The following RSPO3 variants were observed in gnomAD, a reference collection of about 807,000 sequenced individuals.
RSPO3 encodes R-spondin 3.
In RSPO3, 17 loss-of-function variants were observed where a neutral mutation model predicts 36.5. That is an observed-to-expected ratio of 0.47 (90% CI 0.32 to 0.70). The LOEUF is 0.70. RSPO3 is among the 30% of genes least tolerant of loss of function. The pLI is 0.04. For synonymous variants in RSPO3, 108 were observed against 107.0 expected (o/e 1.01, Z -0.06); for missense variants, 294 against 322.5 (o/e 0.91, Z 0.68).
In RSPO3 at chr6:127,197,584, C is replaced by T; in HGVS notation, c.*1577C>T. ...GAAGGATGCACGGCTGCTCTGTCCA[C>T]TGTGATTCCTAGCCCTCTCAAGATC... On this transcript the variant is annotated 3_prime_UTR_variant, in exon 5 of 5. Transcript: ENST00000356698. 1.3e-6 allele frequency: 2 copies of T among 1,529,152 alleles called. No homozygotes were observed. The highest frequency in any genetic ancestry group is 1.2e-5 in the South Asian group (1 of 81,482). 94.7% of individuals were successfully genotyped at this position (1,529,152 alleles called of 1,614,324 possible).
chr6:127,145,503 C>T (rs899700882), intron 1 of RSPO3, among the ~76,000 whole-genome samples: 27 of 152,084 alleles, frequency 1.8e-4, no homozygotes, highest in Non-Finnish European at 3.7e-4. Context: ...TAATCTAGAT[C>T]TATTTTATAC....
At position 127,155,595 on chromosome 6, in the gene RSPO3, G is replaced by C. The variant is rs1774580395; in HGVS notation, c.634+157G>C. Among the ~76,000 whole-genome samples, 4 of 152,076 alleles carry C rather than the reference G, an allele frequency of 2.6e-5. No individual in the cohort carries two copies. The South Asian group carries it at 6.2e-4, about 24-fold the overall frequency. On this transcript the variant is annotated intron_variant, in intron 4 of 4. Transcript: ENST00000356698. ...TGCTGCTTGTAAATTACAGAATATA[G>C]ATGTGGTAATTCCAAAATATGGAGC... is the stretch of plus-strand genomic sequence containing the variant.
intron 4 of RSPO3, among the ~76,000 whole-genome samples, chr6:127,188,436 G>A (rs1186608380): frequency 6.6e-6 from 1 of 151,916 alleles, no homozygotes; most frequent in Non-Finnish European, 1.5e-5. Flanking sequence ...AAATTTTAAA[G>A]CTATATAATT....
chr6:127,155,450 A>G lies in RSPO3; in HGVS notation c.634+12A>G. Reference sequence around the variant, plus strand: ...GAAGGGAGAACGAGGTACAATCATAATAACAAAATGTGCTTGTTTGAATCC... The same window carrying G: ...GAAGGGAGAACGAGGTACAATCATAGTAACAAAATGTGCTTGTTTGAATCC... On this transcript the variant is annotated intron_variant, in intron 4 of 4. Transcript: ENST00000356698. 2 of 1,609,024 alleles carry G rather than the reference A, an allele frequency of 1.2e-6. No homozygotes were observed. The highest frequency in any genetic ancestry group is 1.3e-5 in the African/African-American group (1 of 74,862).
At position 127,148,853 on chromosome 6, in the gene RSPO3, C is replaced by G. The variant is rs755643661; in HGVS notation, c.289+14C>G. 1 of 1,588,064 alleles carries G rather than the reference C, an allele frequency of 6.3e-7. No homozygotes were observed. Among genetic ancestry groups the G allele is most frequent in the Non-Finnish European group, 8.6e-7 (1 of 1,163,438 alleles). ...ATAAGTGTACAAGTAAGTGCCCACA[C>G]GAAATTGTATTTTTATCTCATCTTT... On this transcript the variant is annotated intron_variant, in intron 2 of 4. Transcript: ENST00000356698.
At chr6:127,152,737 G>T (rs1166626171) in intron 3 of RSPO3, among the ~76,000 whole-genome samples, 1 of 152,050 alleles carries the variant, frequency 6.6e-6, no homozygotes, top group East Asian at 1.9e-4. Context: ...TGCTTTCCAT[G>T]GTTTGCAGGT....
At chr6:127,155,886 A>G (rs1382219792) in intron 4 of RSPO3, among the ~76,000 whole-genome samples, 1 of 151,284 alleles carries the variant, frequency 6.6e-6, no homozygotes, top group Middle Eastern at 3.2e-3. Flanking sequence ...GTATATATAT[A>G]TATATACACA....
intron 1 of RSPO3, among the ~76,000 whole-genome samples, chr6:127,140,018 C>T (rs1420222473): frequency 6.6e-6 from 1 of 152,006 alleles, no homozygotes; most frequent in African/African-American, 2.4e-5. Context: ...TGTAGCTAGT[C>T]GGTTGGTCAC....
At chr6:127,179,872 C>T (rs1052138618) in intron 4 of RSPO3, among the ~76,000 whole-genome samples, 1 of 151,864 alleles carries the variant, frequency 6.6e-6, no homozygotes, top group Admixed American at 6.6e-5. Context: ...CACACAGCAT[C>T]TCTCTGACAC....
chr6:127,183,532 G>T (rs1775231102), intron 4 of RSPO3, among the ~76,000 whole-genome samples: 2 of 151,950 alleles, frequency 1.3e-5, no homozygotes, highest in African/African-American at 4.8e-5. Context: ...CTCTGTCTAT[G>T]CCTGTCCTTC....
At chr6:127,173,616 T>C (rs1282824448) in intron 4 of RSPO3, among the ~76,000 whole-genome samples, 1 of 151,878 alleles carries the variant, frequency 6.6e-6, no homozygotes, top group Non-Finnish European at 1.5e-5. Flanking sequence ...CTAAATGCTG[T>C]GTGAATCATT....
Position 127,119,235 on chromosome 6 carries a change from T to G in RSPO3, c.43T>G (p.Phe15Val). The change falls in exon 1 of 5, where the codon TTT becomes GTT. Residue 15 changes from phenylalanine to valine, a missense_variant. Physicochemically the swap from Phe to Val is conservative, Grantham distance 50 (BLOSUM62 -1). This residue lies in a region of RSPO3 where 61 missense variants were observed against 51.3 expected (regional missense o/e 1.19). Coordinates refer to ENST00000356698, the MANE Select transcript of RSPO3 (RefSeq NM_032784.5). ...TTCTTGGCTTTTTATCATTTTGAACTTTATGGAATACATCGGCAGCCAAAA... is the reference window on the plus strand; with the variant it reads ...TTCTTGGCTTTTTATCATTTTGAACGTTATGGAATACATCGGCAGCCAAAA... ...LISWLFIILN[F>V]MEYIGSQNAS... 1 of 1,613,974 alleles carries G rather than the reference T, an allele frequency of 6.2e-7. No individual in the cohort carries two copies. The highest frequency in any genetic ancestry group is 8.5e-7 in the Non-Finnish European group (1 of 1,179,902).
At chr6:127,135,490 G>A (rs942219513) in intron 1 of RSPO3, among the ~76,000 whole-genome samples, 1 of 151,154 alleles carries the variant, frequency 6.6e-6, no homozygotes, top group Non-Finnish European at 1.5e-5. Flanking sequence ...AATGGTAGCA[G>A]TAGTAGTAGT....
At chr6:127,125,244 CT>C (rs1416802571) in intron 1 of RSPO3, among the ~76,000 whole-genome samples, 1 of 152,128 alleles carries the variant, frequency 6.6e-6, no homozygotes, top group African/African-American at 2.4e-5. Flanking sequence ...ATCTAATCTA[CT>C]CTTCAAAACA....
intron 3 of RSPO3, among the ~76,000 whole-genome samples, chr6:127,151,574 A>G (rs546072635): frequency 7.4e-4 from 112 of 152,170 alleles, no homozygotes; most frequent in African/African-American, 2.4e-3. Context: ...GTCCCTTAGA[A>G]TCTAAAGGGC....
intron 4 of RSPO3, among the ~76,000 whole-genome samples, chr6:127,181,162 G>A (rs2114632302): frequency 6.6e-6 from 1 of 151,870 alleles, no homozygotes; most frequent in Non-Finnish European, 1.5e-5. Flanking sequence ...CAAAGCCCAA[G>A]GTCATAGCAG....
At chr6:127,120,683 G>T (rs940961588) in intron 1 of RSPO3, among the ~76,000 whole-genome samples, 1 of 152,224 alleles carries the variant, frequency 6.6e-6, no homozygotes, top group Non-Finnish European at 1.5e-5. Context: ...TGCTGGCCTC[G>T]GCCAGACAAG....
chr6:127,119,328 C>CAGGTGAACGCGGCGGGA, intron 1 of RSPO3, 39 bp downstream of exon 1: 1 of 1,463,394 alleles, frequency 6.8e-7, no homozygotes, highest in Non-Finnish European at 9.6e-7. Context: ...TCCCTCCCGC[C>CAGGTGAACGCGGCGGGA]GCGTTCACCT....
At chr6:127,147,426 C>T (rs1236322182) in intron 1 of RSPO3, among the ~76,000 whole-genome samples, 2 of 152,152 alleles carry the variant, frequency 1.3e-5, no homozygotes, top group Non-Finnish European at 2.9e-5. Context: ...CCTTTAGATT[C>T]CTGTGCATCA....
Sources: gnomAD v4.1 joint callset for allele counts (sites outside exome capture counted in the v4.1 genomes callset) on GRCh38, gnomAD v4.1.1 for gene constraint, gnomAD v4.1.1 regional missense constraint, MANE v1.5 for transcripts, NCBI Gene and HGNC (gene_info 2026-07-23, HGNC 2026-07-21) for gene names.